DPP8: variants seen among roughly 807,000 people sequenced by gnomAD.
DPP8 encodes DPP VIII.
Under a neutral mutation model 107.5 loss-of-function variants are expected in DPP8, and 31 were observed. The observed-to-expected ratio is 0.29, with a 90% CI of 0.22 to 0.39. The LOEUF (loss-of-function observed/expected upper bound fraction) is 0.39, where lower values mean the gene tolerates loss of function less well. Among genes scored for constraint, DPP8 ranks in the 10% least tolerant of loss-of-function variants. The pLI, the probability that DPP8 is intolerant of heterozygous loss-of-function variation, is 1.00. For synonymous variants in DPP8, 381 were observed against 356.6 expected (o/e 1.07, Z -0.77); for missense variants, 842 against 1,076.1 (o/e 0.78, Z 3.04).
intron 17 of DPP8, among the ~76,000 whole-genome samples, chr15:65,452,728 T>C (rs959841483): frequency 3.3e-5 from 5 of 152,174 alleles, no homozygotes; most frequent in Non-Finnish European, 5.9e-5. Flanking sequence ...TCCCAGCACT[T>C]TGGGAGGCTG....
intron 15 of DPP8, among the ~76,000 whole-genome samples, chr15:65,461,995 G>A (rs1024851793): frequency 6.6e-6 from 1 of 151,736 alleles, no homozygotes; most frequent in Non-Finnish European, 1.5e-5. Context: ...TTGAGACAGG[G>A]TCTTACTCTG....
chr15:65,450,427 T>C (rs921468492), intron 19 of DPP8, among the ~76,000 whole-genome samples: 3 of 152,174 alleles, frequency 2.0e-5, no homozygotes, highest in Non-Finnish European at 2.9e-5. Context: ...ATCTCATAGT[T>C]TAAACATAAA....
At chr15:65,457,681 G>A (rs2064545610) in intron 15 of DPP8, among the ~76,000 whole-genome samples, 1 of 152,118 alleles carries the variant, frequency 6.6e-6, no homozygotes, top group African/African-American at 2.4e-5. Context: ...GCACATCACA[G>A]GAACTTAATA....
chr15:65,490,189 T>C lies in DPP8; in HGVS notation c.826A>G (p.Thr276Ala), dbSNP rs1225014949. Residue 276 changes from threonine to alanine, a missense_variant and splice_region_variant, in exon 6 of 20, where the codon ACT (threonine) becomes GCT (alanine). Coordinates refer to ENST00000300141, the MANE Select transcript of DPP8 (RefSeq NM_130434.5). ...GYWWCPKAET[T>A]PSGGKILRIL... The stretch of plus-strand genomic sequence containing the variant: ...AATATATTATTTTGAACCCCCTTAC[T>C]TGTTTCAGCTTTTGGACACCACCAA... The C allele has an allele frequency of 3.3e-6, 5 of 1,530,458 alleles. No individual in the cohort carries two copies. The East Asian group carries it at 1.1e-4, about 34-fold the overall frequency. The allele number at this position is 1,530,458 out of a possible 1,614,324, so 94.8% of individuals were successfully genotyped here. A position where few individuals can be genotyped will look rare whatever the true frequency, so the allele number is the denominator to read the frequency against.
chr15:65,507,418 T>G, intron 2 of DPP8, 63 bp from the exon 3 acceptor site: 1 of 1,033,872 alleles, frequency 9.7e-7, no homozygotes, highest in Non-Finnish European at 1.5e-6. Flanking sequence ...ACAGTCACAG[T>G]TGCAAGTACA....
chr15:65,480,899 C>G (rs1011070323), intron 9 of DPP8, among the ~76,000 whole-genome samples: 20 of 152,036 alleles, frequency 1.3e-4, no homozygotes, highest in African/African-American at 7.2e-5. Context: ...GAGTTTGAGA[C>G]CAACCTGACA....
intron 5 of DPP8, among the ~76,000 whole-genome samples, chr15:65,494,294 G>A (rs976792550): frequency 6.6e-6 from 1 of 151,866 alleles, no homozygotes; most frequent in Non-Finnish European, 1.5e-5. Context: ...TGGTGCAACA[G>A]AGCCTGACTA....
chr15:65,467,269 G>A (rs751381994), intron 12 of DPP8, 46 bp from the exon 13 acceptor site: 119 of 1,597,712 alleles, frequency 7.4e-5, no homozygotes, highest in Non-Finnish European at 9.2e-5. Flanking sequence ...ACATGACCTT[G>A]GCAAAGCTAA....
rs200765429 is a variant in DPP8, at chr15:65,499,103, G to GTA, written c.547-1072_547-1071insTA. On this transcript the variant is annotated intron_variant, in intron 4 of 19. Transcript: ENST00000300141. Reference sequence around the variant, plus strand: ...TGTGTGTGTGTGTGTGTGTGTGTGTGTGTATATATAAATTTATTAAGATGA... The same window carrying GTA: ...TGTGTGTGTGTGTGTGTGTGTGTGTGTATGTATATATAAATTTATTAAGATGA... 9.7e-3 allele frequency among the ~76,000 whole-genome samples: 1,264 copies of GTA among 130,052 alleles called. 22 individuals carry two copies. The highest frequency in any genetic ancestry group is 0.045 in the African/African-American group (1,219 of 27,362). 85.3% of individuals were successfully genotyped at this position (130,052 alleles called of 152,430 possible). A position where few individuals can be genotyped will look rare whatever the true frequency, so the allele number is the denominator to read the frequency against.
Position 65,500,525 on chromosome 15 carries a change from T to C in DPP8, c.546+81A>G. 2.0e-5 allele frequency: 23 copies of C among 1,122,084 alleles called. 1 individual carries two copies. Among genetic ancestry groups the C allele is most frequent in the Non-Finnish European group, 3.0e-5 (23 of 777,366 alleles). The allele number at this position is 1,122,084 out of a possible 1,614,324, so 69.5% of individuals were successfully genotyped here. A position where few individuals can be genotyped will look rare whatever the true frequency, so the allele number is the denominator to read the frequency against. On this transcript the variant is annotated intron_variant, in intron 4 of 19. Transcript: ENST00000300141. ...TGGGTAAACTGAAGTTGCTGGTTTGTTTATTAATTACCTTTCTGCTTTGGG... is the reference window on the plus strand; with the variant it reads ...TGGGTAAACTGAAGTTGCTGGTTTGCTTATTAATTACCTTTCTGCTTTGGG...
At chr15:65,456,552 A>G (rs1222047776) in intron 15 of DPP8, among the ~76,000 whole-genome samples, 181 bp from the exon 16 acceptor site, 2 of 152,106 alleles carry the variant, frequency 1.3e-5, no homozygotes, top group African/African-American at 2.4e-5. Flanking sequence ...TTAACTTCAC[A>G]CTCAAGTTCA....
Position 65,446,061 on chromosome 15 carries a change from T to C in DPP8, c.*823A>G, listed in dbSNP as rs1221076745. On this transcript the variant is annotated 3_prime_UTR_variant, in exon 20 of 20. Coordinates refer to ENST00000300141, the MANE Select transcript of DPP8 (RefSeq NM_130434.5). The stretch of plus-strand genomic sequence containing the variant: ...GAAGAATTCTAGTGAATGTGTACTT[T>C]TTCCTTTTCTTAAAGGAAAAAAAAA... The C allele has an allele frequency of 1.3e-5, 2 of 152,068 alleles. No homozygotes were observed. The highest frequency in any genetic ancestry group is 2.9e-5 in the Non-Finnish European group (2 of 68,022). The allele number at this position is 152,068 out of a possible 1,614,324, so 9.4% of individuals were successfully genotyped here.
chr15:65,466,817 G>C lies in DPP8; in HGVS notation c.1690-4C>G, dbSNP rs1196733289. The stretch of plus-strand genomic sequence containing the variant: ...TACTTATAAAGAAGTCACAGTGCTA[G>C]AGAAAGGAGAAACAATTATATTTTT... On this transcript the variant is annotated splice_polypyrimidine_tract_variant and splice_region_variant and intron_variant, in intron 13 of 19. Transcript: ENST00000300141. 2 of 1,607,356 alleles carry C rather than the reference G, an allele frequency of 1.2e-6. No homozygotes were observed. The highest frequency in any genetic ancestry group is 1.7e-6 in the Non-Finnish European group (2 of 1,178,168).
At chr15:65,453,715 TCAAAA>T (rs1361108670) in intron 17 of DPP8, among the ~76,000 whole-genome samples, 2 of 151,662 alleles carry the variant, frequency 1.3e-5, no homozygotes, top group South Asian at 2.1e-4. Flanking sequence ...AGACTCCGTC[TCAAAA>T]CAAAACAAAA....
intron 1 of DPP8, among the ~76,000 whole-genome samples, chr15:65,513,640 G>C (rs1315025865): frequency 6.6e-6 from 1 of 152,220 alleles, no homozygotes; most frequent in African/African-American, 2.4e-5. Flanking sequence ...AGTTGATACA[G>C]AAAGCATTTA....
chr15:65,516,554 G>A (rs2071462742), intron 1 of DPP8: 2 of 152,196 alleles, frequency 1.3e-5, no homozygotes, highest in African/African-American at 4.8e-5. Flanking sequence ...GGCAAGTGCA[G>A]GAAAAACAGC....
intron 4 of DPP8, 98 bp from the exon 5 acceptor site, chr15:65,498,130 T>G: frequency 2.0e-6 from 2 of 984,224 alleles, no homozygotes; most frequent in Non-Finnish European, 1.4e-6. Context: ...AGGTAAAATG[T>G]CAACAATGAG....
In DPP8 at chr15:65,444,447, C is replaced by T. The variant is rs1184494075; in HGVS notation, c.*2437G>A. ...CTGTTGCTACTTTTATATATTCTTG[C>T]CGTTTAAGCTGTTACCCATACTCAG... On this transcript the variant is annotated 3_prime_UTR_variant, in exon 20 of 20. Coordinates refer to ENST00000300141, the MANE Select transcript of DPP8 (RefSeq NM_130434.5). 1 of 152,130 alleles carries T rather than the reference C, an allele frequency of 6.6e-6. No individual in the cohort carries two copies. Among genetic ancestry groups the T allele is most frequent in the Non-Finnish European group, 1.5e-5 (1 of 68,030 alleles). 9.4% of individuals were successfully genotyped at this position (152,130 alleles called of 1,614,324 possible).
rs371246881 is a variant in DPP8, at chr15:65,504,667, C to CAAAA, written c.372+2572_372+2575dup. 5.9e-3 allele frequency among the ~76,000 whole-genome samples: 637 copies of CAAAA among 108,794 alleles called. 24 individuals carry two copies. The highest frequency in any genetic ancestry group is 0.024 in the African/African-American group (606 of 25,726). 71.4% of individuals were successfully genotyped at this position (108,794 alleles called of 152,430 possible). A position where few individuals can be genotyped will look rare whatever the true frequency, so the allele number is the denominator to read the frequency against. On this transcript the variant is annotated intron_variant, in intron 3 of 19. Transcript: ENST00000300141. Reference sequence around the variant, plus strand: ...CTGGCGACAGAGCAAGATTCCGTCTCAAAAAAAAAAAAAAAAAAACTGTGG... The same window carrying CAAAA: ...CTGGCGACAGAGCAAGATTCCGTCTCAAAAAAAAAAAAAAAAAAAAAAACTGTGG...
Sources: allele counts gnomAD v4.1 joint callset (sites outside exome capture counted in the v4.1 genomes callset), GRCh38; gene constraint gnomAD v4.1.1; transcripts MANE v1.5; gene names NCBI Gene and HGNC (gene_info 2026-07-23, HGNC 2026-07-21).